The following NBEA variants were observed in gnomAD, a reference collection of about 807,000 sequenced individuals.
The protein encoded by NBEA is neurobeachin, also known as lysosomal-trafficking regulator 2.
A neutral mutation model predicts 343.4 loss-of-function variants in NBEA; 44 were observed. The ratio of observed to expected loss-of-function variants is 0.13; its 90% confidence interval spans 0.10 to 0.16. NBEA has a LOEUF of 0.16. Among genes scored for constraint, NBEA ranks in the 10% least tolerant of loss-of-function variants. The probability of loss-of-function intolerance (pLI) is 1.00; values close to 1 mark genes in which losing one functional copy is unlikely to be tolerated. For synonymous variants in NBEA, 1,175 were observed against 1,238.7 expected (o/e 0.95, Z 1.08); for missense variants, 2,555 against 3,631.3 (o/e 0.70, Z 7.62).
Position 35,659,764 on chromosome 13 carries a change from G to C in NBEA, c.8362+4015G>C, listed in dbSNP as rs182445768. Among the ~76,000 whole-genome samples the C allele has an allele frequency of 2.6e-3, 401 of 152,190 alleles. 1 individual carries two copies. The highest frequency in any genetic ancestry group is 9.3e-3 in the African/African-American group (384 of 41,510). ...TCATTGTTATTCTTTCAAACTCGCG[G>C]CTTTGAACGTATAAATTATCTTGGA... On this transcript the variant is annotated intron_variant, in intron 55 of 58. Transcript: ENST00000379939.
intron 44 of NBEA, among the ~76,000 whole-genome samples, chr13:35,565,376 G>T (rs1536633): frequency 0.52 from 78,692 of 151,964 alleles, 20,915 homozygotes; most frequent in East Asian, 0.84. Flanking sequence ...TCAGATTGTA[G>T]TTCTTTTTTT....
At chr13:35,545,043 C>A (rs1280815862) in intron 41 of NBEA, among the ~76,000 whole-genome samples, 2 of 152,096 alleles carry the variant, frequency 1.3e-5, no homozygotes, top group African/African-American at 4.8e-5. Flanking sequence ...AGAAAAATAT[C>A]TTGGACTATA....
rs1294720017 is a variant in NBEA, at chr13:35,451,640, TCTAATTAG to T, written c.6305-442_6305-435del. Among the ~76,000 whole-genome samples, 5 of 152,350 alleles carry T rather than the reference TCTAATTAG, an allele frequency of 3.3e-5. No individual in the cohort carries two copies. In the East Asian group the frequency reaches 7.7e-4, roughly 24 times the overall value. On this transcript the variant is annotated intron_variant, in intron 39 of 58. Coordinates refer to ENST00000379939, the MANE Select transcript of NBEA (RefSeq NM_001385012.1). The stretch of plus-strand genomic sequence containing the variant: ...ACTTATCCACTTTCAAAAATGATCT[TCTAATTAG>T]CTAATTAGCAATTGATTAGCTAATT...
intron 38 of NBEA, among the ~76,000 whole-genome samples, chr13:35,391,047 C>T (rs551013914): frequency 3.3e-5 from 5 of 152,056 alleles, no homozygotes; most frequent in African/African-American, 9.6e-5. Flanking sequence ...GGCCAAGACT[C>T]GCAGATCACT....
intron 35 of NBEA, among the ~76,000 whole-genome samples, chr13:35,308,584 G>GTATATATGTA (rs1555361213): frequency 3.9e-4 from 51 of 129,588 alleles, no homozygotes; most frequent in African/African-American, 1.3e-3. Flanking sequence ...ATGTATATAT[G>GTATATATGTA]TATATATGTA....
intron 34 of NBEA, among the ~76,000 whole-genome samples, chr13:35,239,587 G>A (rs2029876527): frequency 6.6e-6 from 1 of 152,080 alleles, no homozygotes; most frequent in African/African-American, 2.4e-5. Context: ...TAAAATAGGA[G>A]AGTTTAAGTA....
At chr13:34,957,096 C>T (rs2059521683) in intron 1 of NBEA, among the ~76,000 whole-genome samples, 1 of 152,038 alleles carries the variant, frequency 6.6e-6, no homozygotes, top group Non-Finnish European at 1.5e-5. Flanking sequence ...CATACACACA[C>T]ACATATATAT....
At chr13:35,224,017 C>T (rs905943159) in intron 33 of NBEA, among the ~76,000 whole-genome samples, 2 of 152,180 alleles carry the variant, frequency 1.3e-5, no homozygotes, top group African/African-American at 4.8e-5. Flanking sequence ...TCCCTTATCT[C>T]CTAGAATTCG....
At chr13:35,137,443 C>T (rs936274230) in intron 17 of NBEA, among the ~76,000 whole-genome samples, 2 of 148,088 alleles carry the variant, frequency 1.4e-5, no homozygotes, top group Non-Finnish European at 3.0e-5. Context: ...GAGCAACACA[C>T]AGTCTCCAAA....
chr13:35,633,163 C>T (rs569379644), intron 49 of NBEA, among the ~76,000 whole-genome samples: 4 of 151,598 alleles, frequency 2.6e-5, no homozygotes, highest in African/African-American at 7.2e-5. Flanking sequence ...AGTGCAGTGG[C>T]GCAATCTGGG....
At position 35,671,872 on chromosome 13, in the gene NBEA, G is replaced by A. The variant is rs1224348544; in HGVS notation, c.*881G>A. The A allele has an allele frequency of 6.6e-6, 1 of 152,536 alleles. No homozygotes were observed. Among genetic ancestry groups the A allele is most frequent in the Admixed American group, 6.5e-5 (1 of 15,284 alleles). The allele number at this position is 152,536 out of a possible 1,614,324, so 9.4% of individuals were successfully genotyped here. On this transcript the variant is annotated 3_prime_UTR_variant, in exon 59 of 59. Coordinates refer to ENST00000379939, the MANE Select transcript of NBEA (RefSeq NM_001385012.1). ...AGGAGTCATGGGCGTTAGTTCTGTA[G>A]TAATAACTTCCCAGCACCTGGACAT...
chr13:35,222,681 T>C (rs1398511165), intron 33 of NBEA, among the ~76,000 whole-genome samples: 1 of 152,188 alleles, frequency 6.6e-6, no homozygotes, highest in African/African-American at 2.4e-5. Flanking sequence ...CTCTACGACT[T>C]ACAATATAAA....
chr13:35,327,074 T>A (rs1311785153), intron 36 of NBEA, among the ~76,000 whole-genome samples: 1 of 151,872 alleles, frequency 6.6e-6, no homozygotes, highest in Non-Finnish European at 1.5e-5. Flanking sequence ...AAAACCACAA[T>A]GATATACCAT....
At chr13:35,082,652 A>G (rs948770620) in intron 10 of NBEA, among the ~76,000 whole-genome samples, 2 of 152,104 alleles carry the variant, frequency 1.3e-5, no homozygotes, top group Non-Finnish European at 2.9e-5. Context: ...TTTGATTTGC[A>G]TTTCTCTGAT....
At chr13:35,074,408 T>G (rs1178490950) in intron 10 of NBEA, among the ~76,000 whole-genome samples, 1 of 152,158 alleles carries the variant, frequency 6.6e-6, no homozygotes, top group East Asian at 1.9e-4. Flanking sequence ...TTGTGTGACC[T>G]AAGACAGTTT....
In NBEA at chr13:35,093,796, G is replaced by GACT. The variant is rs770780490; in HGVS notation, c.1572-4498_1572-4496dup. ...AACGTCCAGGACGTTTTCATAAAGTGACTACAACATTTAGTGCACTGTAAG... is the reference window on the plus strand; with the variant it reads ...AACGTCCAGGACGTTTTCATAAAGTGACTACTACAACATTTAGTGCACTGTAAG... On this transcript the variant is annotated intron_variant, in intron 10 of 58. Transcript: ENST00000379939. Among the ~76,000 whole-genome samples the GACT allele has an allele frequency of 2.0e-4, 30 of 151,930 alleles. 1 individual carries two copies. Among genetic ancestry groups the GACT allele is most frequent in the Non-Finnish European group, 3.7e-4 (25 of 67,966 alleles).
intron 38 of NBEA, among the ~76,000 whole-genome samples, chr13:35,358,313 C>CA (rs2040612193): frequency 1.3e-5 from 2 of 151,382 alleles, no homozygotes; most frequent in Admixed American, 6.6e-5. Flanking sequence ...AGTGAGTCAA[C>CA]ACACCTGGCC....
At chr13:34,944,575 T>C (rs1311017338) in intron 1 of NBEA, among the ~76,000 whole-genome samples, 1 of 152,222 alleles carries the variant, frequency 6.6e-6, no homozygotes, top group African/African-American at 2.4e-5. Context: ...TAAGTTGATA[T>C]AACCAAGTTC....
intron 1 of NBEA, among the ~76,000 whole-genome samples, chr13:35,004,148 G>A (rs1030248213): frequency 2.0e-5 from 3 of 152,068 alleles, no homozygotes; most frequent in African/African-American, 7.2e-5. Context: ...CATGGTATAT[G>A]TGTACCCCAT....
Sources: gnomAD v4.1 joint callset for allele counts (sites outside exome capture counted in the v4.1 genomes callset) on GRCh38, gnomAD v4.1.1 for gene constraint, MANE v1.5 for transcripts, NCBI Gene and HGNC (gene_info 2026-07-23, HGNC 2026-07-21) for gene names.